Variants in ZFPM2 observed in about 807,000 individuals in gnomAD.
ZFPM2 encodes the protein zinc finger protein, FOG family member 2, also known as zinc finger protein ZFPM2.
A neutral mutation model predicts 98.6 loss-of-function variants in ZFPM2; 20 were observed. That is an observed-to-expected ratio of 0.20 (90% CI 0.14 to 0.29). The LOEUF (loss-of-function observed/expected upper bound fraction) is 0.29. Among genes scored for constraint, ZFPM2 ranks in the 10% least tolerant of loss-of-function variants. The pLI is 1.00. For synonymous variants in ZFPM2, 518 were observed against 502.7 expected, an observed-to-expected ratio of 1.03 and a Z score of -0.41; for missense variants, 1,310 against 1,388.6, an observed-to-expected ratio of 0.94 and a Z score of 0.90.
rs1563704753 is a variant in ZFPM2, at chr8:105,534,184, C to CTCCCTTCCTCCCTCCTTCCCTT, written c.302-27179_302-27178insTCCCTTCCTCCCTCCTTCCCTT. Reference sequence around the variant, plus strand: ...TTTCTCTCTTCCTCCCTCCTTCCCTCCTCCCTTCCTCCCTCCCTCCCTTCT... The same window carrying CTCCCTTCCTCCCTCCTTCCCTT: ...TTTCTCTCTTCCTCCCTCCTTCCCTCTCCCTTCCTCCCTCCTTCCCTTCTCCCTTCCTCCCTCCCTCCCTTCT... On this transcript the variant is annotated intron_variant, in intron 3 of 7. Transcript: ENST00000407775. 4.3e-4 allele frequency among the ~76,000 whole-genome samples: 34 copies of CTCCCTTCCTCCCTCCTTCCCTT among 78,498 alleles called. 1 individual carries two copies. The highest frequency in any genetic ancestry group is 1.8e-3 in the African/African-American group (32 of 17,384). The allele number at this position is 78,498 out of a possible 152,430, so 51.5% of individuals were successfully genotyped here.
At chr8:105,596,739 CTTTTTTTTTTT>C (rs910632602) in intron 4 of ZFPM2, among the ~76,000 whole-genome samples, 2 of 58,932 alleles carry the variant, frequency 3.4e-5, no homozygotes, top group African/African-American at 1.3e-4. Flanking sequence ...CCTTTGTCTG[CTTTTTTTTTTT>C]TTTTTTTTTT....
intron 5 of ZFPM2, among the ~76,000 whole-genome samples, chr8:105,739,637 A>G (rs965868928): frequency 6.6e-6 from 1 of 151,758 alleles, no homozygotes. Context: ...TCATGAGAGA[A>G]TGGTTTCAGC....
At chr8:105,539,005 C>G (rs1452939255) in intron 3 of ZFPM2, among the ~76,000 whole-genome samples, 1 of 152,094 alleles carries the variant, frequency 6.6e-6, no homozygotes, top group Admixed American at 6.6e-5. Context: ...GGCAATAGAG[C>G]AAGACCCAGT....
chr8:105,765,145 G>C (rs989259514), intron 5 of ZFPM2, among the ~76,000 whole-genome samples: 1 of 151,714 alleles, frequency 6.6e-6, no homozygotes, highest in Non-Finnish European at 1.5e-5. Context: ...TAGAGGTCCT[G>C]AATCATTTAA....
chr8:105,695,009 T>G (rs146399328), intron 5 of ZFPM2, among the ~76,000 whole-genome samples: 157 of 152,270 alleles, frequency 1.0e-3, no homozygotes, highest in African/African-American at 3.5e-3. Context: ...CAAGTACTGT[T>G]TTTATCCCCA....
chr8:105,747,877 G>C (rs559502285), intron 5 of ZFPM2, among the ~76,000 whole-genome samples: 1 of 152,076 alleles, frequency 6.6e-6, no homozygotes, highest in African/African-American at 2.4e-5. Context: ...GCATTCACAC[G>C]TGTGGTATGG....
At chr8:105,505,174 T>C (rs751563804) in intron 3 of ZFPM2, among the ~76,000 whole-genome samples, 1 of 152,148 alleles carries the variant, frequency 6.6e-6, no homozygotes, top group Non-Finnish European at 1.5e-5. Flanking sequence ...AGAAATTGTA[T>C]CTACTCTGCA....
chr8:105,324,959 C>T (rs1812088595), intron 1 of ZFPM2, among the ~76,000 whole-genome samples: 1 of 151,844 alleles, frequency 6.6e-6, no homozygotes, highest in South Asian at 2.1e-4. Flanking sequence ...TAAATGTAAT[C>T]TTTGTTCACT....
At chr8:105,654,533 A>C (rs754104460) in intron 5 of ZFPM2, among the ~76,000 whole-genome samples, 1 of 152,076 alleles carries the variant, frequency 6.6e-6, no homozygotes, top group Admixed American at 6.6e-5. Context: ...ACACAGAGAT[A>C]GTCCTGCAGC....
At chr8:105,542,478 T>C (rs181425936) in intron 3 of ZFPM2, among the ~76,000 whole-genome samples, 27 of 152,172 alleles carry the variant, frequency 1.8e-4, no homozygotes, top group African/African-American at 6.5e-4. Flanking sequence ...TCTTGAATAA[T>C]GAAAGTTTGA....
intron 5 of ZFPM2, among the ~76,000 whole-genome samples, chr8:105,695,928 A>G (rs1811007820): frequency 6.6e-6 from 1 of 152,204 alleles, no homozygotes; most frequent in South Asian, 2.1e-4. Context: ...TAACCTCAAA[A>G]TGTGATTTTC....
At chr8:105,727,640 T>C (rs1210329132) in intron 5 of ZFPM2, among the ~76,000 whole-genome samples, 1 of 151,728 alleles carries the variant, frequency 6.6e-6, no homozygotes, top group Admixed American at 6.6e-5. Context: ...GGTACTTTGT[T>C]CAGGTTACAA....
intron 1 of ZFPM2, among the ~76,000 whole-genome samples, chr8:105,372,282 T>C (rs1048565002): frequency 2.0e-5 from 3 of 151,984 alleles, no homozygotes; most frequent in African/African-American, 7.2e-5. Context: ...GACTTCGTGA[T>C]CCACCTGCCT....
In ZFPM2 at chr8:105,476,816, G is replaced by A. The variant is rs189352407; in HGVS notation, c.301+32435G>A. On this transcript the variant is annotated intron_variant, in intron 3 of 7. Transcript: ENST00000407775. Reference sequence around the variant, plus strand: ...TAGCAATTTGGATGGAGAGTGGGGTGGGTGATTGGGGGTACTAGGGATGGT... The same window carrying A: ...TAGCAATTTGGATGGAGAGTGGGGTAGGTGATTGGGGGTACTAGGGATGGT... 2.5e-3 allele frequency among the ~76,000 whole-genome samples: 373 copies of A among 152,068 alleles called. 2 individuals are homozygous for A. Among genetic ancestry groups the A allele is most frequent in the Non-Finnish European group, 3.6e-3 (248 of 68,016 alleles).
intron 1 of ZFPM2, among the ~76,000 whole-genome samples, chr8:105,324,363 G>T (rs1812079873): frequency 6.6e-6 from 1 of 151,694 alleles, no homozygotes; most frequent in African/African-American, 2.4e-5. Flanking sequence ...TACAGTTAAG[G>T]TAACTCATTT....
At chr8:105,750,463 C>T (rs1812450372) in intron 5 of ZFPM2, among the ~76,000 whole-genome samples, 2 of 151,816 alleles carry the variant, frequency 1.3e-5, no homozygotes, top group Non-Finnish European at 2.9e-5. Flanking sequence ...TTGGGTTCTA[C>T]GTTTTAAAAT....
At chr8:105,336,250 G>A (rs182696365) in intron 1 of ZFPM2, among the ~76,000 whole-genome samples, 5 of 151,718 alleles carry the variant, frequency 3.3e-5, no homozygotes, top group Non-Finnish European at 7.4e-5. Context: ...TAAAGACGAG[G>A]TTATTAAGGA....
intron 4 of ZFPM2, among the ~76,000 whole-genome samples, chr8:105,577,947 A>G (rs188909247): frequency 2.6e-4 from 39 of 152,200 alleles, no homozygotes; most frequent in Admixed American, 2.0e-3. Context: ...TTGCAATTTT[A>G]CAAGATTCAA....
intron 3 of ZFPM2, among the ~76,000 whole-genome samples, chr8:105,478,017 GAAATGAAATTTTTCA>G (rs1258145532): frequency 6.6e-6 from 1 of 152,166 alleles, no homozygotes; most frequent in African/African-American, 2.4e-5. Flanking sequence ...GGCTCCAGGG[GAAATGAAATTTTTCA>G]AGTCTGGGAA....
Sources: allele counts gnomAD v4.1 joint callset (sites outside exome capture counted in the v4.1 genomes callset), GRCh38; gene constraint gnomAD v4.1.1; transcripts MANE v1.5; gene names NCBI Gene and HGNC (gene_info 2026-07-23, HGNC 2026-07-21).